TENM2: variants seen among roughly 807,000 people sequenced by gnomAD.
TENM2 encodes teneurin transmembrane protein 2, also known as teneurin-2.
A neutral mutation model predicts 245.2 loss-of-function variants in TENM2; 52 were observed. The ratio of observed to expected loss-of-function variants is 0.21; its 90% CI spans 0.17 to 0.27. The LOEUF is 0.27. Among genes scored for constraint, TENM2 ranks in the 10% least tolerant of loss-of-function variants. The pLI, the probability that TENM2 is intolerant of heterozygous loss-of-function variation, is 1.00. For synonymous variants in TENM2, 1,363 were observed against 1,438.9 expected, an observed-to-expected ratio of 0.95 and a Z score of 1.19; for missense variants, 3,046 against 3,666.8, an observed-to-expected ratio of 0.83 and a Z score of 4.37.
chr5:167,535,374 C>A (rs560707991), intron 2 of TENM2, among the ~76,000 whole-genome samples: 34 of 152,066 alleles, frequency 2.2e-4, no homozygotes, highest in African/African-American at 8.0e-4. Flanking sequence ...ATGCTGCTTA[C>A]AGGAAACCCA....
chr5:167,279,922 A>G (rs1003132634), upstream of TENM2, among the ~76,000 whole-genome samples: 4 of 152,132 alleles, frequency 2.6e-5, no homozygotes, highest in Admixed American at 2.0e-4. Flanking sequence ...TTTTCCTTTC[A>G]GTTTAAGAAC....
intron 2 of TENM2, among the ~76,000 whole-genome samples, chr5:167,792,033 GT>G (rs1765013571): frequency 6.6e-6 from 1 of 152,124 alleles, no homozygotes; most frequent in Non-Finnish European, 1.5e-5. Context: ...TTTTCCTGTG[GT>G]AAAGAGGAGA....
chr5:167,146,439 G>T, the TENM2 span, among the ~76,000 whole-genome samples: 446 of 152,218 alleles, frequency 2.9e-3, 2 homozygotes, highest in African/African-American at 9.6e-3. Flanking sequence ...TCTGTGTAAC[G>T]CAGGTTCGGT....
chr5:168,056,577 A>G (rs10866621), intron 6 of TENM2, among the ~76,000 whole-genome samples: 1 of 152,070 alleles, frequency 6.6e-6, no homozygotes, highest in South Asian at 2.1e-4. Flanking sequence ...TTAGCTGTCC[A>G]AATGTTATAG....
chr5:167,896,647 A>AC (rs2151491490), intron 3 of TENM2, among the ~76,000 whole-genome samples: 1 of 152,336 alleles, frequency 6.6e-6, no homozygotes, highest in African/African-American at 2.4e-5. Flanking sequence ...ATTAAAAAGC[A>AC]CGGAGACATA....
the TENM2 span, among the ~76,000 whole-genome samples, chr5:167,206,366 AG>A: frequency 6.6e-6 from 1 of 152,112 alleles, no homozygotes; most frequent in East Asian, 1.9e-4. Flanking sequence ...TCATGAGGGG[AG>A]GAACAGTGAG....
At chr5:168,011,727 C>T (rs1297461621) in intron 5 of TENM2, among the ~76,000 whole-genome samples, 1 of 152,102 alleles carries the variant, frequency 6.6e-6, no homozygotes, top group Non-Finnish European at 1.5e-5. Context: ...CTGGTCAGCT[C>T]TATGCAGCGT....
chr5:167,534,272 G>T (rs978704603), intron 2 of TENM2, among the ~76,000 whole-genome samples: 20 of 152,224 alleles, frequency 1.3e-4, no homozygotes, highest in Admixed American at 1.0e-3. Flanking sequence ...TAAAATAGGC[G>T]TTCTAAGGGA....
Position 167,895,638 on chromosome 5 carries a change from C to T in TENM2, c.712+19443C>T, listed in dbSNP as rs138995530. Among the ~76,000 whole-genome samples the T allele has an allele frequency of 1.1e-4, 17 of 152,282 alleles. No individual in the cohort carries two copies. In the East Asian group the frequency reaches 3.1e-3, roughly 28 times the overall value. On this transcript the variant is annotated intron_variant, in intron 3 of 28. Coordinates refer to ENST00000518659, the Ensembl canonical transcript of TENM2. ...GCTTATAAAATACAAACTCCTGGAC[C>T]CTATGCCAGATTTATTTAATTCACT...
At chr5:168,197,364 T>C (rs898899514) in intron 15 of TENM2, among the ~76,000 whole-genome samples, 4 of 152,068 alleles carry the variant, frequency 2.6e-5, no homozygotes, top group Non-Finnish European at 5.9e-5. Flanking sequence ...CTGCTGGGGA[T>C]TCTGAAGGGA....
At chr5:166,995,398 C>G in the TENM2 span, among the ~76,000 whole-genome samples, 107 of 151,900 alleles carry the variant, frequency 7.0e-4, no homozygotes, top group African/African-American at 2.5e-3. Flanking sequence ...TGCCACCATG[C>G]CTGGCTAAAT....
intron 2 of TENM2, among the ~76,000 whole-genome samples, chr5:167,851,988 C>T (rs373335804): frequency 1.3e-5 from 2 of 152,128 alleles, no homozygotes; most frequent in East Asian, 1.9e-4. Context: ...TGAAATGTGT[C>T]ACACTCCTTA....
rs181747066 is a variant in TENM2, at chr5:167,576,160, A to G, written c.502+200687A>G. On this transcript the variant is annotated intron_variant, in intron 2 of 28. Coordinates refer to ENST00000518659, the Ensembl canonical transcript of TENM2. Reference sequence around the variant, plus strand: ...CAACTGTCCTTTTCTTAGAGAACAAAATAGAACTAAAGTAAGCAGAAATAA... The same window carrying G: ...CAACTGTCCTTTTCTTAGAGAACAAGATAGAACTAAAGTAAGCAGAAATAA... 6.7e-3 allele frequency among the ~76,000 whole-genome samples: 1,019 copies of G among 152,320 alleles called. 3 individuals carry two copies. Among genetic ancestry groups the G allele is most frequent in the Middle Eastern group, 0.014 (4 of 294 alleles).
At chr5:168,024,466 T>C (rs569466118) in intron 5 of TENM2, among the ~76,000 whole-genome samples, 94 of 152,278 alleles carry the variant, frequency 6.2e-4, no homozygotes, top group South Asian at 2.9e-3. Flanking sequence ...TGAAATTCAG[T>C]TGGGGAGTTT....
chr5:168,002,613 T>C (rs1165587658), intron 5 of TENM2, among the ~76,000 whole-genome samples: 1 of 152,202 alleles, frequency 6.6e-6, no homozygotes, highest in Non-Finnish European at 1.5e-5. Flanking sequence ...TCTGGGACAT[T>C]AGCTAAATTT....
At chr5:167,933,455 T>C (rs1778443031) in intron 3 of TENM2, among the ~76,000 whole-genome samples, 1 of 152,120 alleles carries the variant, frequency 6.6e-6, no homozygotes, top group Non-Finnish European at 1.5e-5. Context: ...TAGTACAATA[T>C]GTTTTCTCTT....
rs11446185 is a variant in TENM2 at position 168,112,606 on chromosome 5, CG to C, written c.1814-5676del. On this transcript the variant is annotated intron_variant, in intron 9 of 28. Coordinates refer to ENST00000518659, the Ensembl canonical transcript of TENM2. ...ATTTTTGAATACAGTGTGCAGTGGG[CG>C]GGGGGGGGGTCAAACTTTATTACTT... Among the ~76,000 whole-genome samples the C allele has an allele frequency of 4.9e-3, 315 of 64,032 alleles. 20 individuals carry two copies. Among genetic ancestry groups the C allele is most frequent in the African/African-American group, 7.9e-3 (140 of 17,694 alleles). The allele number at this position is 64,032 out of a possible 152,430, so 42.0% of individuals were successfully genotyped here. A position where few individuals can be genotyped will look rare whatever the true frequency, so the allele number is the denominator to read the frequency against.
chr5:167,148,775 T>G, the TENM2 span, among the ~76,000 whole-genome samples: 1 of 152,216 alleles, frequency 6.6e-6, no homozygotes, highest in East Asian at 1.9e-4. Context: ...TTTGTCCATT[T>G]TGTCTGCTAA....
the TENM2 span, among the ~76,000 whole-genome samples, chr5:167,067,742 G>T: frequency 6.6e-6 from 1 of 152,154 alleles, no homozygotes; most frequent in African/African-American, 2.4e-5. Context: ...ACACTCGACA[G>T]TTCTCTAATG....
Sources: allele counts gnomAD v4.1 joint callset (sites outside exome capture counted in the v4.1 genomes callset), GRCh38; gene constraint gnomAD v4.1.1; transcripts MANE v1.5; gene names NCBI Gene and HGNC (gene_info 2026-07-23, HGNC 2026-07-21).